PI4K2B: variants seen among roughly 807,000 people sequenced by gnomAD.
The protein encoded by PI4K2B is phosphatidylinositol 4-kinase type 2 beta, also known as phosphatidylinositol 4-kinase type 2-beta.
PI4K2B carries 46 observed loss-of-function variants against 56.6 expected under a neutral mutation model. The observed-to-expected ratio is 0.81, with a 90% CI of 0.64 to 1.04. The LOEUF (loss-of-function observed/expected upper bound fraction) is 1.04. Ranked by LOEUF, PI4K2B falls within the 50% of genes least tolerant of loss-of-function variation. PI4K2B has a pLI of 0.00. For missense variants in PI4K2B, 556 were observed against 607.7 expected (o/e 0.91, Z 0.89); for synonymous variants, 211 against 223.8 (o/e 0.94, Z 0.51).
At chr4:25,259,859 G>T (rs1303127397) in intron 5 of PI4K2B, among the ~76,000 whole-genome samples, 2 of 152,222 alleles carry the variant, frequency 1.3e-5, no homozygotes, top group Admixed American at 6.5e-5. Context: ...GCTCCCCATT[G>T]TGGGTCCCTG....
chr4:25,275,172 G>A (rs910287808), intron 9 of PI4K2B, among the ~76,000 whole-genome samples: 25 of 152,118 alleles, frequency 1.6e-4, no homozygotes, highest in Admixed American at 4.6e-4. Context: ...AATATTAACT[G>A]TTACTTAAAT....
rs112055990 is a variant in PI4K2B, at chr4:25,259,217, G to A, written c.910+27G>A. The A allele has an allele frequency of 1.9e-5, 27 of 1,402,834 alleles. No individual in the cohort carries two copies. In the Admixed American group the frequency reaches 3.5e-4, roughly 18 times the overall value. 86.9% of individuals were successfully genotyped at this position (1,402,834 alleles called of 1,614,324 possible). On this transcript the variant is annotated intron_variant, in intron 5 of 9. Coordinates refer to ENST00000264864, the MANE Select transcript of PI4K2B (RefSeq NM_018323.4). ...TATTGAAGTTCTCTCATTTGTTCAC[G>A]TAAATCTTGTTCATTTTCAAACTAT...
chr4:25,273,609 T>C (rs1716992740), intron 9 of PI4K2B, among the ~76,000 whole-genome samples: 1 of 152,222 alleles, frequency 6.6e-6, no homozygotes, highest in South Asian at 2.1e-4. Context: ...TAAGGGCGCC[T>C]GCCAGCCTGG....
At chr4:25,245,046 A>G (rs1318290510) in intron 1 of PI4K2B, among the ~76,000 whole-genome samples, 1 of 152,178 alleles carries the variant, frequency 6.6e-6, no homozygotes, top group Non-Finnish European at 1.5e-5. Context: ...GTCCTCACTT[A>G]TATGAATAGG....
chr4:25,259,133 C>T lies in PI4K2B; in HGVS notation c.853C>T (p.Gln285Ter). The change falls in exon 5 of 10, where the codon CAA (glutamine) becomes TAA (stop). Residue 285 changes from glutamine to a stop codon, truncating the protein, a stop_gained. Transcript: ENST00000264864. LOFTEE classifies it high-confidence loss of function. ...ADPLPENIRK[Q>*]FQSQFERLVI... ...CCCTTTGCCTGAGAATATTAGAAAA[C>T]AATTTCAGTCACAATTTGAAAGATT... The T allele has an allele frequency of 1.3e-6, 2 of 1,579,430 alleles. No individual in the cohort carries two copies. The highest frequency in any genetic ancestry group is 1.7e-6 in the Non-Finnish European group (2 of 1,149,914).
chr4:25,264,287 C>T (rs1716586164), intron 7 of PI4K2B, among the ~76,000 whole-genome samples: 1 of 152,082 alleles, frequency 6.6e-6, no homozygotes, highest in Non-Finnish European at 1.5e-5. Flanking sequence ...TTTTCTACAT[C>T]TTCTTGAACC....
Position 25,277,251 on chromosome 4 carries a change from T to C in PI4K2B, c.*64T>C, listed in dbSNP as rs1331190846. ...TCATGTTTTTAAAACATCATAGTAA[T>C]ATAAATCTGCTGTTAGGAGCTCCAG... On this transcript the variant is annotated 3_prime_UTR_variant, in exon 10 of 10. Transcript: ENST00000264864. 1.3e-6 allele frequency: 2 copies of C among 1,493,614 alleles called. No individual in the cohort carries two copies. The highest frequency in any genetic ancestry group is 4.6e-5 in the East Asian group (2 of 43,750). 92.5% of individuals were successfully genotyped at this position (1,493,614 alleles called of 1,614,324 possible). A position where few individuals can be genotyped will look rare whatever the true frequency, so the allele number is the denominator to read the frequency against.
intron 7 of PI4K2B, among the ~76,000 whole-genome samples, chr4:25,264,765 G>C (rs1716604453): frequency 6.6e-6 from 1 of 152,006 alleles, no homozygotes. Flanking sequence ...TAGCTACTTG[G>C]GAGACTGAGG....
intron 1 of PI4K2B, among the ~76,000 whole-genome samples, chr4:25,241,511 A>C (rs1461826474): frequency 6.6e-6 from 1 of 152,218 alleles, no homozygotes; most frequent in Non-Finnish European, 1.5e-5. Flanking sequence ...AGGGCCATGC[A>C]TGTGCGTATT....
chr4:25,260,542 G>A lies in PI4K2B; in HGVS notation c.929G>A (p.Trp310Ter). 2.1e-6 allele frequency: 3 copies of A among 1,440,878 alleles called. No individual in the cohort carries two copies. Among genetic ancestry groups the A allele is most frequent in the Non-Finnish European group, 2.8e-6 (3 of 1,090,250 alleles). 89.3% of individuals were successfully genotyped at this position (1,440,878 alleles called of 1,614,324 possible). A position where few individuals can be genotyped will look rare whatever the true frequency, so the allele number is the denominator to read the frequency against. ...IRNTDRGNDN[W>*]LVRYEKQKCE... ...TTGAAAGACAGGGGCAATGATAATTGGTTAGTCAGATACGAAAAGCAGAAA... is the reference window on the plus strand; with the variant it reads ...TTGAAAGACAGGGGCAATGATAATTAGTTAGTCAGATACGAAAAGCAGAAA... Residue 310 changes from tryptophan to a stop codon, truncating the protein, a stop_gained, in exon 6 of 10, where the codon TGG becomes TAG. Transcript: ENST00000264864. LOFTEE classifies it high-confidence loss of function.
chr4:25,247,353 C>T (rs779548097), intron 1 of PI4K2B, among the ~76,000 whole-genome samples: 7 of 152,176 alleles, frequency 4.6e-5, no homozygotes, highest in Non-Finnish European at 1.0e-4. Flanking sequence ...CATTGTTTTC[C>T]ATCCATTGCA....
At chr4:25,246,203 G>C (rs982292350) in intron 1 of PI4K2B, among the ~76,000 whole-genome samples, 1 of 152,068 alleles carries the variant, frequency 6.6e-6, no homozygotes, top group African/African-American at 2.4e-5. Context: ...AGCTTCCACA[G>C]TGTGGAAGGG....
intron 1 of PI4K2B, among the ~76,000 whole-genome samples, chr4:25,238,377 C>G (rs182038326): frequency 6.6e-6 from 1 of 152,284 alleles, no homozygotes; most frequent in Non-Finnish European, 1.5e-5. Context: ...AAAGGTAGTT[C>G]TTATAACTTC....
chr4:25,244,738 G>A (rs1315799646), intron 1 of PI4K2B, among the ~76,000 whole-genome samples: 3 of 152,066 alleles, frequency 2.0e-5, no homozygotes, highest in South Asian at 2.1e-4. Context: ...AACCCGCAAC[G>A]GTCCCTGGAC....
chr4:25,234,219 A>T lies in PI4K2B; in HGVS notation c.56A>T (p.Glu19Val). ...RLASADGGSP[E>V]EEEDGEREPL... ...GCGTCCGCGGACGGCGGGAGCCCGGAGGAGGAGGAGGATGGGGAGCGGGAG... is the reference window on the plus strand; with the variant it reads ...GCGTCCGCGGACGGCGGGAGCCCGGTGGAGGAGGAGGATGGGGAGCGGGAG... The change falls in exon 1 of 10, where the codon GAG (glutamate) becomes GTG (valine). Residue 19 changes from glutamate (E) to valine (V), a missense_variant. Physicochemically the swap from Glu to Val is moderately radical, Grantham distance 121. Coordinates refer to ENST00000264864, the MANE Select transcript of PI4K2B (RefSeq NM_018323.4). 7.2e-7 allele frequency: 1 copy of T among 1,388,948 alleles called. No homozygotes were observed. The highest frequency in any genetic ancestry group is 9.4e-7 in the Non-Finnish European group (1 of 1,067,058). The allele number at this position is 1,388,948 out of a possible 1,614,324, so 86.0% of individuals were successfully genotyped here. A position where few individuals can be genotyped will look rare whatever the true frequency, so the allele number is the denominator to read the frequency against.
chr4:25,250,904 A>G (rs1458897891), intron 1 of PI4K2B, among the ~76,000 whole-genome samples: 1 of 152,188 alleles, frequency 6.6e-6, no homozygotes, highest in Admixed American at 6.5e-5. Context: ...GTAGAGGGTA[A>G]GCGTGTGAGA....
chr4:25,257,092 C>G (rs947378241), intron 4 of PI4K2B, among the ~76,000 whole-genome samples: 4 of 151,396 alleles, frequency 2.6e-5, no homozygotes, highest in Admixed American at 1.3e-4. Flanking sequence ...GGGTCTCACT[C>G]TGTTGCCCCA....
chr4:25,271,548 A>C (rs1201625543), intron 9 of PI4K2B, among the ~76,000 whole-genome samples: 1 of 152,188 alleles, frequency 6.6e-6, no homozygotes, highest in East Asian at 1.9e-4. Flanking sequence ...CTGGTAATTG[A>C]GGCATCAATG....
chr4:25,250,197 A>T (rs1455163875), intron 1 of PI4K2B, among the ~76,000 whole-genome samples: 1 of 152,200 alleles, frequency 6.6e-6, no homozygotes, highest in Non-Finnish European at 1.5e-5. Context: ...TCCGCATCAG[A>T]GGGAGACCGT....
Sources: gnomAD v4.1 joint callset for allele counts (sites outside exome capture counted in the v4.1 genomes callset) on GRCh38, gnomAD v4.1.1 for gene constraint, MANE v1.5 for transcripts, NCBI Gene and HGNC (gene_info 2026-07-23, HGNC 2026-07-21) for gene names.